The following KLHL1 variants were observed in gnomAD, a reference collection of about 807,000 sequenced individuals.
The protein encoded by KLHL1 is kelch-like protein 1.
A neutral mutation model predicts 77.7 loss-of-function variants in KLHL1; 47 were observed. The observed-to-expected ratio is 0.60, with a 90% CI of 0.48 to 0.77. KLHL1 has a LOEUF of 0.77. Among genes scored for constraint, KLHL1 ranks in the 30% least tolerant of loss-of-function variants. KLHL1 has a pLI of 0.00. For missense variants in KLHL1, 925 were observed against 910.8 expected (o/e 1.02, Z -0.20); for synonymous variants, 360 against 325.2 (o/e 1.11, Z -1.15).
At chr13:70,043,711 C>A (rs1299350711) in intron 1 of KLHL1, among the ~76,000 whole-genome samples, 1 of 152,164 alleles carries the variant, frequency 6.6e-6, no homozygotes, top group African/African-American at 2.4e-5. Flanking sequence ...GGCCTAGAAG[C>A]AACAGACTAT....
chr13:69,787,307 C>G (rs1397503901), intron 7 of KLHL1, among the ~76,000 whole-genome samples: 1 of 152,130 alleles, frequency 6.6e-6, no homozygotes, highest in Non-Finnish European at 1.5e-5. Flanking sequence ...GGTACCAAAA[C>G]AGAAATATAG....
At chr13:69,788,366 A>G (rs1876674300) in intron 7 of KLHL1, among the ~76,000 whole-genome samples, 2 of 152,204 alleles carry the variant, frequency 1.3e-5, no homozygotes. Flanking sequence ...TTGTAGGGAC[A>G]TGGATGAAAC....
chr13:69,725,739 C>T (rs1007797848), intron 8 of KLHL1, among the ~76,000 whole-genome samples: 1 of 152,102 alleles, frequency 6.6e-6, no homozygotes, highest in Non-Finnish European at 1.5e-5. Context: ...ATTGTTGTAG[C>T]TTAGTGAAAT....
chr13:69,780,707 T>C (rs12583490), intron 7 of KLHL1, among the ~76,000 whole-genome samples: 2 of 37,760 alleles, frequency 5.3e-5, no homozygotes, highest in African/African-American at 1.3e-4. Flanking sequence ...TATATGTATA[T>C]ATATATATGT....
At chr13:70,079,366 C>T (rs1319784029) in intron 1 of KLHL1, among the ~76,000 whole-genome samples, 6 of 152,038 alleles carry the variant, frequency 3.9e-5, no homozygotes, top group East Asian at 1.9e-4. Flanking sequence ...TCCTGTATGC[C>T]GACGTTTGTA....
At position 70,107,590 on chromosome 13, in the gene KLHL1, C is replaced by A. The variant is rs757649187; in HGVS notation, c.110G>T (p.Cys37Phe). 12 of 1,600,636 alleles carry A rather than the reference C, an allele frequency of 7.5e-6. No individual in the cohort carries two copies. Among genetic ancestry groups the A allele is most frequent in the African/African-American group, 1.3e-5 (1 of 74,544 alleles). Residue 37 changes from cysteine to phenylalanine, a missense_variant, in exon 1 of 11, where the codon TGC (cysteine) becomes TTC (phenylalanine). Coordinates refer to ENST00000377844, the MANE Select transcript of KLHL1 (RefSeq NM_020866.3). The stretch of plus-strand genomic sequence containing the variant: ...GCTGCCACTGCCGTCCTGTTGCAGG[C>A]AGCCTCCCCCCGCCGGGCCGCCGGT... Reference protein sequence around the residue: ...PSTGGPAGGGCLQQDGSGSFE... With the variant: ...PSTGGPAGGGFLQQDGSGSFE...
chr13:69,766,806 C>T (rs956605295), intron 7 of KLHL1, among the ~76,000 whole-genome samples: 3 of 151,982 alleles, frequency 2.0e-5, no homozygotes, highest in African/African-American at 4.8e-5. Flanking sequence ...AAAGATAAAA[C>T]GAGGTAGCTA....
rs183213452 is a variant in KLHL1, at chr13:69,714,716, C to T, written c.2015+4653G>A. 2.2e-3 allele frequency among the ~76,000 whole-genome samples: 336 copies of T among 152,082 alleles called. 5 individuals are homozygous for T. In the South Asian group the frequency reaches 0.027, roughly 12 times the overall value. ...TCAAGTGATCCTCCCACCTCAGCCT[C>T]CCAAGTAGCTGAGGCCCCAGGGATG... On this transcript the variant is annotated intron_variant, in intron 9 of 10. Transcript: ENST00000377844.
chr13:69,855,342 AGATAGACAGACAGAT>A, intron 5 of KLHL1, among the ~76,000 whole-genome samples: 1 of 67,180 alleles, frequency 1.5e-5, no homozygotes, highest in Non-Finnish European at 2.9e-5. Flanking sequence ...ATAGATAGAT[AGATAGACAGACAGAT>A]AGATACATAG....
intron 4 of KLHL1, among the ~76,000 whole-genome samples, chr13:69,931,199 G>A (rs982336580): frequency 6.6e-6 from 1 of 151,584 alleles, no homozygotes; most frequent in Non-Finnish European, 1.5e-5. Flanking sequence ...CAACTAATGT[G>A]AAAATTGTCT....
chr13:69,738,481 C>A (rs955481660), intron 8 of KLHL1, among the ~76,000 whole-genome samples: 2 of 151,950 alleles, frequency 1.3e-5, no homozygotes, highest in Non-Finnish European at 2.9e-5. Context: ...TAACTCATTG[C>A]AAAGAAACTA....
At chr13:69,896,666 TA>T (rs1267369495) in intron 4 of KLHL1, among the ~76,000 whole-genome samples, 7 of 149,074 alleles carry the variant, frequency 4.7e-5, no homozygotes, top group African/African-American at 1.8e-4. Flanking sequence ...GTCAAAGTAT[TA>T]AAATTTTTTT....
chr13:69,755,576 C>A lies in KLHL1; in HGVS notation c.1640-15020G>T, dbSNP rs1378009425. On this transcript the variant is annotated intron_variant, in intron 7 of 10. Transcript: ENST00000377844. ...GTTATATATTTCAAATATGATAGAT[C>A]TGAATTAGTAGAGATATTATTTTAA... is the stretch of plus-strand genomic sequence containing the variant. Among the ~76,000 whole-genome samples, 4 of 151,908 alleles carry A rather than the reference C, an allele frequency of 2.6e-5. No homozygotes were observed. The East Asian group carries it at 7.8e-4, about 30-fold the overall frequency.
intron 5 of KLHL1, among the ~76,000 whole-genome samples, chr13:69,854,319 G>C (rs1186104330): frequency 6.6e-6 from 1 of 152,022 alleles, no homozygotes; most frequent in African/African-American, 2.4e-5. Flanking sequence ...AGTGTGTGCG[G>C]AGATCACGCA....
At chr13:70,107,076 C>T in intron 1 of KLHL1, 127 bp downstream of exon 1, 2 of 1,368,794 alleles carry the variant, frequency 1.5e-6, no homozygotes, top group Non-Finnish European at 2.0e-6. Context: ...TAATCAAAAC[C>T]AGGGTGGCAT....
At chr13:70,072,476 A>G (rs1247467737) in intron 1 of KLHL1, among the ~76,000 whole-genome samples, 1 of 152,106 alleles carries the variant, frequency 6.6e-6, no homozygotes, top group African/African-American at 2.4e-5. Flanking sequence ...AAAACCAGAC[A>G]ATGATGTTAC....
intron 1 of KLHL1, among the ~76,000 whole-genome samples, chr13:69,990,460 A>C (rs1884998960): frequency 6.6e-6 from 1 of 152,086 alleles, no homozygotes; most frequent in Non-Finnish European, 1.5e-5. Flanking sequence ...ATCTCAAAAT[A>C]AAGGGATGAA....
chr13:70,017,763 A>G (rs1175238366), intron 1 of KLHL1, among the ~76,000 whole-genome samples: 1 of 152,256 alleles, frequency 6.6e-6, no homozygotes, highest in Non-Finnish European at 1.5e-5. Context: ...AGCTACATAA[A>G]TAAAAAGAAA....
intron 2 of KLHL1, among the ~76,000 whole-genome samples, chr13:69,969,941 T>TA (rs11405654): frequency 6.6e-6 from 1 of 152,168 alleles, no homozygotes; most frequent in African/African-American, 2.4e-5. Flanking sequence ...ATTAAACTTT[T>TA]TAAGTTCCAC....
Sources: allele counts gnomAD v4.1 joint callset (sites outside exome capture counted in the v4.1 genomes callset), GRCh38; gene constraint gnomAD v4.1.1; transcripts MANE v1.5; gene names NCBI Gene and HGNC (gene_info 2026-07-23, HGNC 2026-07-21).